Variants in TMTC3 observed in about 807,000 individuals in gnomAD.
The protein encoded by TMTC3 is transmembrane O-mannosyltransferase targeting cadherins 3, also known as protein O-mannosyl-transferase TMTC3.
A neutral mutation model predicts 92.2 loss-of-function variants in TMTC3; 52 were observed. The observed-to-expected ratio is 0.56, with a 90% CI of 0.45 to 0.71. The LOEUF (loss-of-function observed/expected upper bound fraction) is 0.71, where lower values mean the gene tolerates loss of function less well. Ranked by LOEUF, TMTC3 falls within the 30% of genes least tolerant of loss-of-function variation. The pLI, the probability that TMTC3 is intolerant of heterozygous loss-of-function variation, is 0.00. For missense variants in TMTC3, 896 were observed against 1,057.1 expected, an observed-to-expected ratio of 0.85 and a Z score of 2.11; for synonymous variants, 339 against 363.3, an observed-to-expected ratio of 0.93 and a Z score of 0.76.
rs771871731 is a variant in TMTC3 at position 88,148,484 on chromosome 12, TGG to T, written c.172_173del (p.Gly58AsnfsTer5). ...PLKTLFQNDF[W>X]GTPMSEERSH... ...AAAAACTTTATTTCAAAATGACTTC[TGG>T]GGAACCCCTATGTCTGAGGTAAGTA... On this transcript the variant is annotated frameshift_variant, in exon 2 of 14. Coordinates refer to ENST00000266712, the MANE Select transcript of TMTC3 (RefSeq NM_181783.4). LOFTEE classifies it high-confidence loss of function. 1 of 1,610,790 alleles carries T rather than the reference TGG, an allele frequency of 6.2e-7. No homozygotes were observed. The highest frequency in any genetic ancestry group is 8.5e-7 in the Non-Finnish European group (1 of 1,178,448).
At chr12:88,150,158 T>C (rs1279911960) in intron 2 of TMTC3, among the ~76,000 whole-genome samples, 6 of 152,158 alleles carry the variant, frequency 3.9e-5, no homozygotes, top group Non-Finnish European at 7.3e-5. Flanking sequence ...AGCATCTGCT[T>C]CTGGGGAGGC....
At position 88,199,447 on chromosome 12, in the gene TMTC3, T is replaced by C. The variant is rs114625968; in HGVS notation, c.*3798T>C. 8.9e-4 allele frequency: 135 copies of C among 152,160 alleles called. No homozygotes were observed. The highest frequency in any genetic ancestry group is 3.1e-3 in the African/African-American group (128 of 41,538). 9.4% of individuals were successfully genotyped at this position (152,160 alleles called of 1,614,324 possible). A position where few individuals can be genotyped will look rare whatever the true frequency, so the allele number is the denominator to read the frequency against. On this transcript the variant is annotated 3_prime_UTR_variant, in exon 14 of 14. Transcript: ENST00000266712. ...CACATAGCAAATAATAAATATTAGT[T>C]ATTAGTATAAACATAAGGCTTAAAG...
At chr12:88,164,778 G>A (rs1273162305) in intron 6 of TMTC3, among the ~76,000 whole-genome samples, 2 of 152,058 alleles carry the variant, frequency 1.3e-5, no homozygotes, top group Non-Finnish European at 2.9e-5. Context: ...CATTGCTGGC[G>A]CTGGGTAGAA....
intron 6 of TMTC3, 33 bp from the exon 7 acceptor site, chr12:88,166,297 T>A (rs771146399): frequency 1.3e-6 from 2 of 1,578,082 alleles, no homozygotes; most frequent in Admixed American, 3.9e-5. Flanking sequence ...TTAAAAGTTT[T>A]ATTTGTAATC....
chr12:88,169,614 T>C (rs2041182421), intron 7 of TMTC3, among the ~76,000 whole-genome samples: 1 of 152,156 alleles, frequency 6.6e-6, no homozygotes, highest in African/African-American at 2.4e-5. Context: ...GTCAACAGCA[T>C]AATGTAAGTT....
intron 10 of TMTC3, among the ~76,000 whole-genome samples, chr12:88,180,944 G>T (rs1397259496): frequency 2.0e-5 from 3 of 152,142 alleles, no homozygotes; most frequent in Non-Finnish European, 4.4e-5. Context: ...GGGTAAATAA[G>T]GCTTGTGCCA....
At position 88,160,780 on chromosome 12, in the gene TMTC3, G is replaced by A. The variant is rs367570629; in HGVS notation, c.726G>A (p.Leu242=). 7 of 1,613,352 alleles carry A rather than the reference G, an allele frequency of 4.3e-6. No individual in the cohort carries two copies. The South Asian group carries it at 4.4e-5, about 10-fold the overall frequency. Residue 242 remains leucine, a synonymous_variant, in exon 6 of 14, where the codon TTG becomes TTA. Coordinates refer to ENST00000266712, the MANE Select transcript of TMTC3 (RefSeq NM_181783.4). ...MLQTLVKLIV[L]MFSTLLLVVI... ...AGACACTAGTAAAACTCATTGTCTT[G>A]ATGTTCAGTACATTATTACTTGTTG...
At chr12:88,190,332 T>C in intron 11 of TMTC3, 121 bp from the exon 12 acceptor site, 1 of 815,782 alleles carries the variant, frequency 1.2e-6, no homozygotes, top group African/African-American at 1.7e-5. Context: ...CCCTGATCTC[T>C]CAGTCCAGTG....
At chr12:88,163,294 A>G (rs928726294) in intron 6 of TMTC3, among the ~76,000 whole-genome samples, 1 of 152,196 alleles carries the variant, frequency 6.6e-6, no homozygotes, top group Non-Finnish European at 1.5e-5. Flanking sequence ...CTACTGATGC[A>G]AGATCTTTTT....
chr12:88,156,812 T>TTG (rs1555232083), intron 4 of TMTC3, among the ~76,000 whole-genome samples: 2 of 16,952 alleles, frequency 1.2e-4, no homozygotes, highest in Non-Finnish European at 5.3e-3. Context: ...TGTGTGTGTG[T>TTG]TTTTTTTTTT....
At position 88,177,088 on chromosome 12, in the gene TMTC3, G is replaced by A. The variant is rs1348487333; in HGVS notation, c.1432+769G>A. Among the ~76,000 whole-genome samples the A allele has an allele frequency of 2.0e-5, 3 of 152,176 alleles. No homozygotes were observed. The East Asian group carries it at 5.8e-4, about 29-fold the overall frequency. On this transcript the variant is annotated intron_variant, in intron 10 of 13. Transcript: ENST00000266712. ...AGTCTGTAATCCCAGCACTTTGGGA[G>A]GCCAAGGTGGGCAGATCACTTGAGG...
intron 10 of TMTC3, among the ~76,000 whole-genome samples, chr12:88,187,698 C>G (rs935837725): frequency 6.6e-6 from 1 of 152,232 alleles, no homozygotes; most frequent in East Asian, 1.9e-4. Flanking sequence ...AGGACTGTTA[C>G]TCAGGGAATG....
At chr12:88,194,600 T>C (rs765426930) in intron 13 of TMTC3, among the ~76,000 whole-genome samples, 3 of 152,286 alleles carry the variant, frequency 2.0e-5, no homozygotes, top group Non-Finnish European at 2.9e-5. Flanking sequence ...TCTCTCCTTT[T>C]GGTTTCTGAA....
intron 10 of TMTC3, among the ~76,000 whole-genome samples, chr12:88,183,255 G>GA (rs1048445085): frequency 6.6e-6 from 1 of 152,184 alleles, no homozygotes; most frequent in African/African-American, 2.4e-5. Flanking sequence ...GCCATTATTA[G>GA]AAAGAGGTCT....
At position 88,153,417 on chromosome 12, in the gene TMTC3, A is replaced by T; in HGVS notation, c.316A>T (p.Ile106Leu). 1 of 1,613,646 alleles carries T rather than the reference A, an allele frequency of 6.2e-7. No homozygotes were observed. Among genetic ancestry groups the T allele is most frequent in the Non-Finnish European group, 8.5e-7 (1 of 1,179,744 alleles). ...GATTTTTCATGCTGTGGTTAGTGTGATATTTCTCAAAGTATGCAAACTTTT... is the reference window on the plus strand; with the variant it reads ...GATTTTTCATGCTGTGGTTAGTGTGTTATTTCTCAAAGTATGCAAACTTTT... ...NMIFHAVVSV[I>L]FLKVCKLFLD... The change falls in exon 3 of 14, where the codon ATA (isoleucine) becomes TTA (leucine). Residue 106 changes from isoleucine (I) to leucine (L), a missense_variant. By Grantham distance (5) the Ile-to-Leu change is conservative. Coordinates refer to ENST00000266712, the MANE Select transcript of TMTC3 (RefSeq NM_181783.4).
intron 7 of TMTC3, among the ~76,000 whole-genome samples, chr12:88,168,480 G>A (rs140462113): frequency 5.3e-5 from 8 of 152,316 alleles, no homozygotes; most frequent in African/African-American, 1.9e-4. Flanking sequence ...TTGAGATCTG[G>A]CATTGGTAGA....
chr12:88,179,003 A>G (rs919568898), intron 10 of TMTC3, among the ~76,000 whole-genome samples: 3 of 152,096 alleles, frequency 2.0e-5, no homozygotes, highest in East Asian at 1.9e-4. Flanking sequence ...CTCATTGTCA[A>G]TTGTCACTAA....
chr12:88,146,611 GTATATATATATATACATATATA>G (rs977120592), intron 1 of TMTC3, among the ~76,000 whole-genome samples: 11 of 147,880 alleles, frequency 7.4e-5, no homozygotes, highest in South Asian at 2.1e-4. Flanking sequence ...GTGTGTGTGT[GTATATATATATATACATATATA>G]TGTATATATA....
At position 88,174,742 on chromosome 12, in the gene TMTC3, A is replaced by G. The variant is rs757103217; in HGVS notation, c.1320+15A>G. The G allele has an allele frequency of 6.8e-6, 11 of 1,610,546 alleles. No homozygotes were observed. Among genetic ancestry groups the G allele is most frequent in the Middle Eastern group, 1.7e-4 (1 of 6,058 alleles). On this transcript the variant is annotated intron_variant, in intron 9 of 13. Coordinates refer to ENST00000266712, the MANE Select transcript of TMTC3 (RefSeq NM_181783.4). ...CAGCCTTGAAGGTAAAGTGTTGTTC[A>G]GAATGACAGGAAAGTATGTCATCAG...
Sources: allele counts gnomAD v4.1 joint callset (sites outside exome capture counted in the v4.1 genomes callset), GRCh38; gene constraint gnomAD v4.1.1; transcripts MANE v1.5; gene names NCBI Gene and HGNC (gene_info 2026-07-23, HGNC 2026-07-21).